Variants in PANX1 observed in about 807,000 individuals in gnomAD.
PANX1 encodes the protein pannexin 1.
PANX1 carries 30 observed loss-of-function variants against 38.7 expected under a neutral mutation model. That is an observed-to-expected ratio of 0.78 (90% CI 0.58 to 1.05). The LOEUF (loss-of-function observed/expected upper bound fraction) is 1.05. PANX1 is among the 50% of genes least tolerant of loss of function. The probability of loss-of-function intolerance (pLI) is 0.00; values close to 1 mark genes in which losing one functional copy is unlikely to be tolerated. For missense variants in PANX1, 551 were observed against 517.2 expected, an observed-to-expected ratio of 1.07 and a Z score of -0.63; for synonymous variants, 230 against 212.2, an observed-to-expected ratio of 1.08 and a Z score of -0.73.
intron 4 of PANX1, 31 bp from the exon 5 acceptor site, chr11:94,180,759 T>C (rs1341211414): frequency 8.5e-7 from 1 of 1,169,730 alleles, no homozygotes. Context: ...GCTATGTTTC[T>C]GTCATAAATA....
intron 2 of PANX1, among the ~76,000 whole-genome samples, chr11:94,167,641 G>C (rs184956084): frequency 1.8e-3 from 268 of 152,336 alleles, no homozygotes; most frequent in African/African-American, 6.3e-3. Context: ...AAAGAATTAT[G>C]ATTATATGGA....
At chr11:94,167,949 C>A (rs1444211634) in intron 2 of PANX1, among the ~76,000 whole-genome samples, 1 of 152,102 alleles carries the variant, frequency 6.6e-6, no homozygotes, top group African/African-American at 2.4e-5. Context: ...TGCAGAGAAG[C>A]CAGTGCAGTC....
At position 94,178,537 on chromosome 11, in the gene PANX1, G is replaced by A. The variant is rs772146823; in HGVS notation, c.490G>A (p.Asp164Asn). Reference protein sequence around the residue: ...IKAAKSARDLDMRDGACSVPG... With the variant: ...IKAAKSARDLNMRDGACSVPG... ...GGCTGCAAAGAGTGCGCGTGACCTT[G>A]ACATGAGAGATGGAGCCTGCTCAGT... The change falls in exon 3 of 5, where the codon GAC becomes AAC. Residue 164 changes from aspartate (D) to asparagine (N), a missense_variant. Coordinates refer to ENST00000227638, the MANE Select transcript of PANX1 (RefSeq NM_015368.4). 1 of 1,614,102 alleles carries A rather than the reference G, an allele frequency of 6.2e-7. No individual in the cohort carries two copies. Among genetic ancestry groups the A allele is most frequent in the Non-Finnish European group, 8.5e-7 (1 of 1,180,006 alleles).
chr11:94,144,147 A>G (rs537145841), intron 1 of PANX1, among the ~76,000 whole-genome samples: 1 of 152,066 alleles, frequency 6.6e-6, no homozygotes, highest in East Asian at 1.9e-4. Context: ...CTACTTGAAG[A>G]AGTCTATTAA....
chr11:94,143,335 G>T (rs944152956), intron 1 of PANX1, among the ~76,000 whole-genome samples: 19 of 152,188 alleles, frequency 1.2e-4, no homozygotes, highest in African/African-American at 4.6e-4. Context: ...GTATTGTAGA[G>T]GATAAGACAG....
intron 1 of PANX1, among the ~76,000 whole-genome samples, chr11:94,147,569 G>T (rs1006593471): frequency 6.6e-6 from 1 of 152,078 alleles, no homozygotes; most frequent in Non-Finnish European, 1.5e-5. Context: ...GTTGCTTGTG[G>T]CTGTCATCTC....
intron 2 of PANX1, among the ~76,000 whole-genome samples, chr11:94,162,911 A>C (rs1591519799): frequency 1.7e-5 from 2 of 114,594 alleles, no homozygotes; most frequent in African/African-American, 3.5e-5. Context: ...TCACTTTGTC[A>C]CCCAGGCCTG....
At chr11:94,136,202 A>T (rs527830105) in intron 1 of PANX1, among the ~76,000 whole-genome samples, 15 of 152,260 alleles carry the variant, frequency 9.9e-5, no homozygotes, top group African/African-American at 3.6e-4. Flanking sequence ...GGAAGAAAAA[A>T]AAAAACCACT....
At chr11:94,169,426 T>C (rs1017718649) in intron 2 of PANX1, among the ~76,000 whole-genome samples, 3 of 151,698 alleles carry the variant, frequency 2.0e-5, no homozygotes, top group Admixed American at 1.3e-4. Flanking sequence ...TAACTCTACA[T>C]TTGGGTGGTA....
chr11:94,144,257 T>TA (rs1230555581), intron 1 of PANX1, among the ~76,000 whole-genome samples: 4 of 152,160 alleles, frequency 2.6e-5, no homozygotes, highest in Admixed American at 1.3e-4. Flanking sequence ...ATTCATTTCT[T>TA]ACAATGCAAA....
chr11:94,158,747 T>A (rs1457153077), intron 2 of PANX1, among the ~76,000 whole-genome samples: 1 of 152,206 alleles, frequency 6.6e-6, no homozygotes, highest in Non-Finnish European at 1.5e-5. Context: ...TATTTCCCTC[T>A]CCTGCCTGAT....
chr11:94,135,032 C>T (rs1406244053), intron 1 of PANX1, among the ~76,000 whole-genome samples: 1 of 152,150 alleles, frequency 6.6e-6, no homozygotes, highest in Non-Finnish European at 1.5e-5. Context: ...AGGCCTGAGG[C>T]GTCAGGGGCT....
intron 1 of PANX1, among the ~76,000 whole-genome samples, chr11:94,139,470 A>C (rs932025231): frequency 3.3e-5 from 5 of 152,202 alleles, no homozygotes; most frequent in African/African-American, 1.2e-4. Context: ...GTTATGAGGA[A>C]CACTATTTTG....
intron 1 of PANX1, among the ~76,000 whole-genome samples, chr11:94,151,501 T>TC (rs1398938966): frequency 2.0e-5 from 3 of 152,190 alleles, no homozygotes; most frequent in Non-Finnish European, 4.4e-5. Context: ...GGACAGATAT[T>TC]CCCAAGCAAG....
chr11:94,174,042 T>G (rs1241205810), intron 2 of PANX1, among the ~76,000 whole-genome samples: 1 of 151,436 alleles, frequency 6.6e-6, no homozygotes, highest in African/African-American at 2.5e-5. Flanking sequence ...GGTAGATGCA[T>G]CACTCCAGTC....
intron 1 of PANX1, among the ~76,000 whole-genome samples, chr11:94,130,870 G>T (rs1591500730): frequency 6.6e-6 from 1 of 152,344 alleles, no homozygotes; most frequent in Non-Finnish European, 1.5e-5. Context: ...CTATGAGTGT[G>T]ATTTTGCAAT....
intron 1 of PANX1, among the ~76,000 whole-genome samples, chr11:94,150,298 G>A (rs377595562): frequency 6.6e-6 from 1 of 152,248 alleles, no homozygotes; most frequent in East Asian, 1.9e-4. Context: ...GGGAACCACT[G>A]AAAAATGTTG....
chr11:94,164,256 G>A (rs1436600604), intron 2 of PANX1, among the ~76,000 whole-genome samples: 5 of 151,666 alleles, frequency 3.3e-5, no homozygotes, highest in Non-Finnish European at 7.4e-5. Context: ...TGTTTGATTT[G>A]CTCTTGCTTT....
chr11:94,158,392 C>A (rs1036940170), intron 2 of PANX1, among the ~76,000 whole-genome samples: 1 of 152,150 alleles, frequency 6.6e-6, no homozygotes, highest in Non-Finnish European at 1.5e-5. Context: ...ATGGAACGTT[C>A]TTCCATTTGT....
Sources: gnomAD v4.1 joint callset for allele counts (sites outside exome capture counted in the v4.1 genomes callset) on GRCh38, gnomAD v4.1.1 for gene constraint, MANE v1.5 for transcripts, NCBI Gene and HGNC (gene_info 2026-07-23, HGNC 2026-07-21) for gene names.